PLA2G4D: variants seen among roughly 807,000 people sequenced by gnomAD.
The protein encoded by PLA2G4D is cytosolic phospholipase A2 delta.
A neutral mutation model predicts 94.4 loss-of-function variants in PLA2G4D; 80 were observed. The observed-to-expected ratio is 0.85, with a 90% CI of 0.71 to 1.02. PLA2G4D has a LOEUF of 1.02. PLA2G4D is among the 50% of genes least tolerant of loss of function. PLA2G4D has a pLI of 0.00. For synonymous variants in PLA2G4D, 438 were observed against 440.9 expected (o/e 0.99, Z 0.08); for missense variants, 1,050 against 1,034.7 (o/e 1.01, Z -0.20).
chr15:42,071,568 G>T lies in PLA2G4D; in HGVS notation c.1574-17C>A. 1 of 1,604,016 alleles carries T rather than the reference G, an allele frequency of 6.2e-7. No individual in the cohort carries two copies. Among genetic ancestry groups the T allele is most frequent in the East Asian group, 2.2e-5 (1 of 44,820 alleles). On this transcript the variant is annotated splice_polypyrimidine_tract_variant and intron_variant, in intron 15 of 19. Coordinates refer to ENST00000290472, the MANE Select transcript of PLA2G4D (RefSeq NM_178034.4). The stretch of plus-strand genomic sequence containing the variant: ...TCCAGATGGCTGAGGAACACCAAAA[G>T]AGATCAGCCTCAGGCCCCAGCCAGC...
chr15:42,070,377 C>T (rs1889780500), intron 18 of PLA2G4D: 2 of 516,654 alleles, frequency 3.9e-6, no homozygotes, highest in Non-Finnish European at 6.8e-6. Flanking sequence ...CTGTTCAAAT[C>T]CCAGAGCCGA....
At chr15:42,087,182 C>G in intron 3 of PLA2G4D, 118 bp downstream of exon 3, 1 of 1,324,896 alleles carries the variant, frequency 7.5e-7, no homozygotes, top group Non-Finnish European at 1.1e-6. Context: ...GGCACAGAGA[C>G]CCCCTACTGC....
chr15:42,087,612 C>T lies in PLA2G4D; in HGVS notation c.118+16G>A. ...TCCTCCCTGCTCCCGACAGAGCGCA[C>T]AGGGCGGTTACTCACACAGGTCAGC... On this transcript the variant is annotated intron_variant, in intron 2 of 19. Coordinates refer to ENST00000290472, the MANE Select transcript of PLA2G4D (RefSeq NM_178034.4). The T allele has an allele frequency of 6.2e-7, 1 of 1,614,020 alleles. No homozygotes were observed. Among genetic ancestry groups the T allele is most frequent in the Non-Finnish European group, 8.5e-7 (1 of 1,179,938 alleles).
At chr15:42,092,022 G>A (rs981809242) in intron 1 of PLA2G4D, among the ~76,000 whole-genome samples, 1 of 152,136 alleles carries the variant, frequency 6.6e-6, no homozygotes, top group Non-Finnish European at 1.5e-5. Context: ...CGGTCTCCGC[G>A]CATTGGTGGC....
In PLA2G4D at chr15:42,071,140, T is replaced by G; in HGVS notation, c.1859A>C (p.Asp620Ala). 1 of 1,611,174 alleles carries G rather than the reference T, an allele frequency of 6.2e-7. No homozygotes were observed. The highest frequency in any genetic ancestry group is 8.5e-7 in the Non-Finnish European group (1 of 1,179,110). The change falls in exon 17 of 20, where the codon GAC becomes GCC. Residue 620 changes from aspartate (D) to alanine (A), a missense_variant. By Grantham distance (126) the Asp-to-Ala change is moderately radical (BLOSUM62 -2). Transcript: ENST00000290472. ...GCCCTGACCTGCCCAGGTGGAGAAG[T>G]CTTTGTGGCTACAGTAGTCCTGGTG... is the stretch of plus-strand genomic sequence containing the variant. Reference protein sequence around the residue: ...QLHQDYCSHKDFSTWADYQLD... With the variant: ...QLHQDYCSHKAFSTWADYQLD...
At chr15:42,081,187 T>A (rs537200071) in intron 11 of PLA2G4D, 54 bp from the exon 12 acceptor site, 1 of 1,590,268 alleles carries the variant, frequency 6.3e-7, no homozygotes, top group African/African-American at 1.3e-5. Context: ...AGCTGCCTCC[T>A]GTCTCACCCA....
intron 8 of PLA2G4D, among the ~76,000 whole-genome samples, chr15:42,082,963 G>A (rs139588440): frequency 0.012 from 1,762 of 152,330 alleles, 8 homozygotes; most frequent in Non-Finnish European, 0.017. Context: ...TATTCTAAGG[G>A]TATCACTGGA....
chr15:42,085,356 C>T (rs1421872588), intron 5 of PLA2G4D, 135 bp downstream of exon 5: 3 of 1,123,920 alleles, frequency 2.7e-6, no homozygotes, highest in Admixed American at 1.7e-5. Flanking sequence ...AGCCCCGCCC[C>T]ACTCCCGACC....
intron 1 of PLA2G4D, among the ~76,000 whole-genome samples, chr15:42,092,940 G>A (rs1190210721): frequency 6.6e-6 from 1 of 152,160 alleles, no homozygotes; most frequent in Non-Finnish European, 1.5e-5. Flanking sequence ...TGGCACTGGC[G>A]CCCTGTGGTG....
intron 1 of PLA2G4D, among the ~76,000 whole-genome samples, chr15:42,088,818 G>T (rs181655869): frequency 2.7e-4 from 41 of 152,250 alleles, no homozygotes; most frequent in Admixed American, 1.3e-3. Context: ...CCTGTGCCGG[G>T]GAGTGGGGCA....
At chr15:42,070,319 C>G (rs972312228) in intron 18 of PLA2G4D, 1 of 538,232 alleles carries the variant, frequency 1.9e-6, no homozygotes, top group South Asian at 2.8e-5. Flanking sequence ...GGGGTCAGAC[C>G]CATCCCCCAG....
At chr15:42,080,414 G>T (rs190871019) in intron 12 of PLA2G4D, among the ~76,000 whole-genome samples, 2 of 152,322 alleles carry the variant, frequency 1.3e-5, no homozygotes, top group Non-Finnish European at 1.5e-5. Context: ...CATGCTGCGG[G>T]GTGAGGGCGT....
intron 1 of PLA2G4D, among the ~76,000 whole-genome samples, chr15:42,093,413 C>A (rs1335927935): frequency 6.6e-6 from 1 of 152,212 alleles, no homozygotes; most frequent in Non-Finnish European, 1.5e-5. Flanking sequence ...GGGAAATATT[C>A]CAGAAGCCTC....
rs765053168 is a variant in PLA2G4D, at chr15:42,071,498, T to C, written c.1627A>G (p.Thr543Ala). The C allele has an allele frequency of 1.4e-5, 22 of 1,613,760 alleles. No homozygotes were observed. The highest frequency in any genetic ancestry group is 1.9e-5 in the Non-Finnish European group (22 of 1,179,908). ...LNLLDAWYDL[T>A]SSGESWKQHI... ...TGTTTCCAGGACTCCCCAGAACTGG[T>C]GAGGTCATACCAGGCATCCAGCAGG... The change falls in exon 16 of 20, where the codon ACC (threonine) becomes GCC (alanine). Residue 543 changes from threonine (T) to alanine (A), a missense_variant. Coordinates refer to ENST00000290472, the MANE Select transcript of PLA2G4D (RefSeq NM_178034.4).
At chr15:42,093,091 C>T (rs190286661) in intron 1 of PLA2G4D, among the ~76,000 whole-genome samples, 84 of 152,260 alleles carry the variant, frequency 5.5e-4, no homozygotes, top group Non-Finnish European at 8.8e-4. Flanking sequence ...GCCAGCCTAG[C>T]CTGCTGGCCC....
chr15:42,086,194 T>TTGGGGGGGGGCCGC lies in PLA2G4D; in HGVS notation c.387+18_387+19insGCGGCCCCCCCCCA. The TTGGGGGGGGGCCGC allele has an allele frequency of 7.3e-7, 1 of 1,370,442 alleles. No homozygotes were observed. The highest frequency in any genetic ancestry group is 9.6e-7 in the Non-Finnish European group (1 of 1,043,082). The allele number at this position is 1,370,442 out of a possible 1,614,324, so 84.9% of individuals were successfully genotyped here. Reference sequence around the variant, plus strand: ...GGAAGAAGTGGGGCCCACGGGGACTTCCCCACCCACCCACCCACCTGGGGA... The same window carrying TTGGGGGGGGGCCGC: ...GGAAGAAGTGGGGCCCACGGGGACTTTGGGGGGGGGCCGCCCCCACCCACCCACCCACCTGGGGA... On this transcript the variant is annotated intron_variant, in intron 4 of 19. Coordinates refer to ENST00000290472, the MANE Select transcript of PLA2G4D (RefSeq NM_178034.4).
Position 42,070,061 on chromosome 15 carries a change from CG to C in PLA2G4D, c.2077del (p.Arg693GlyfsTer79). On this transcript the variant is annotated frameshift_variant, in exon 19 of 20. Coordinates refer to ENST00000290472, the MANE Select transcript of PLA2G4D (RefSeq NM_178034.4). LOFTEE classifies it high-confidence loss of function. ...LQQTELYCRA[R>X]GLPFPRVEPS... is the part of the protein sequence containing the mutation. ...TTCCACCCGGGGGAAGGGCAGCCCC[CG>C]GGCCCGGCAGTACAGCTCCGTCTGC... 6.6e-7 allele frequency: 1 copy of C among 1,521,320 alleles called. No homozygotes were observed. Among genetic ancestry groups the C allele is most frequent in the South Asian group, 1.3e-5 (1 of 79,588 alleles). 94.2% of individuals were successfully genotyped at this position (1,521,320 alleles called of 1,614,324 possible). A position where few individuals can be genotyped will look rare whatever the true frequency, so the allele number is the denominator to read the frequency against.
chr15:42,076,063 C>T (rs1037075310), intron 13 of PLA2G4D, among the ~76,000 whole-genome samples: 2 of 152,176 alleles, frequency 1.3e-5, no homozygotes, highest in Admixed American at 1.3e-4. Flanking sequence ...TATCACAAAA[C>T]TTTAGTCAGT....
Position 42,071,293 on chromosome 15 carries a change from C to T in PLA2G4D, c.1706G>A (p.Gly569Glu). 6.3e-7 allele frequency: 1 copy of T among 1,592,542 alleles called. No homozygotes were observed. Among genetic ancestry groups the T allele is most frequent in the Non-Finnish European group, 8.5e-7 (1 of 1,172,870 alleles). Residue 569 changes from glycine (G) to glutamate (E), a missense_variant, in exon 17 of 20, where the codon GGG (glycine) becomes GAG (glutamate). By Grantham distance (98) the Gly-to-Glu change is moderately conservative (BLOSUM62 -2). Transcript: ENST00000290472. Reference protein sequence around the residue: ...SLEKEPLTTSGTSSRLEASWL... With the variant: ...SLEKEPLTTSETSSRLEASWL... ...CGAGGCCTCCAGCCGCGAGGAGGTCCCCGAGGTGGTCAGGGGCTCCTTCTC... is the reference window on the plus strand; with the variant it reads ...CGAGGCCTCCAGCCGCGAGGAGGTCTCCGAGGTGGTCAGGGGCTCCTTCTC...
Sources: gnomAD v4.1 joint callset for allele counts (sites outside exome capture counted in the v4.1 genomes callset) on GRCh38, gnomAD v4.1.1 for gene constraint, MANE v1.5 for transcripts, NCBI Gene and HGNC (gene_info 2026-07-23, HGNC 2026-07-21) for gene names.